MACROD2: variants seen among roughly 807,000 people sequenced by gnomAD.
MACROD2 encodes ADP-ribose glycohydrolase MACROD2.
Under a neutral mutation model 70.4 loss-of-function variants are expected in MACROD2, and 36 were observed. The observed-to-expected ratio is 0.51, with a 90% CI of 0.39 to 0.68. MACROD2 has a LOEUF of 0.68. Among genes scored for constraint, MACROD2 ranks in the 30% least tolerant of loss-of-function variants. MACROD2 has a pLI of 0.00. For missense variants in MACROD2, 496 were observed against 538.4 expected (o/e 0.92, Z 0.78); for synonymous variants, 172 against 178.8 (o/e 0.96, Z 0.30).
intron 8 of MACROD2, among the ~76,000 whole-genome samples, chr20:15,610,062 A>G (rs1186867307): frequency 1.3e-5 from 2 of 152,246 alleles, no homozygotes; most frequent in African/African-American, 4.8e-5. Context: ...GCTGAAGCAC[A>G]GTACAAATAC....
chr20:14,684,619 C>T (rs1194963276), intron 4 of MACROD2, among the ~76,000 whole-genome samples: 6 of 150,522 alleles, frequency 4.0e-5, no homozygotes, highest in African/African-American at 7.4e-5. Flanking sequence ...CTTCTATAAC[C>T]CTTCTACTTC....
At chr20:15,357,608 G>T (rs904418176) in intron 6 of MACROD2, among the ~76,000 whole-genome samples, 1 of 152,026 alleles carries the variant, frequency 6.6e-6, no homozygotes, top group African/African-American at 2.4e-5. Flanking sequence ...TGTTTATCCA[G>T]TACATATAAG....
At chr20:14,985,207 A>C (rs2074837824) in intron 5 of MACROD2, among the ~76,000 whole-genome samples, 1 of 152,278 alleles carries the variant, frequency 6.6e-6, no homozygotes, top group Admixed American at 6.5e-5. Flanking sequence ...ATGACACTTC[A>C]CTCAATTGCA....
chr20:15,595,205 C>T (rs1320562960), intron 8 of MACROD2, among the ~76,000 whole-genome samples: 3 of 152,202 alleles, frequency 2.0e-5, no homozygotes, highest in Non-Finnish European at 4.4e-5. Flanking sequence ...CACTGCACAA[C>T]AGTGTGACTG....
At chr20:15,838,597 C>T (rs1289512462) in intron 8 of MACROD2, among the ~76,000 whole-genome samples, 1 of 152,122 alleles carries the variant, frequency 6.6e-6, no homozygotes, top group Non-Finnish European at 1.5e-5. Context: ...GGCAATTGTG[C>T]TCTGTTGAGA....
In MACROD2 at chr20:15,776,835, C is replaced by T. The variant is rs138968281; in HGVS notation, c.646-85910C>T. Among the ~76,000 whole-genome samples, 614 of 152,230 alleles carry T rather than the reference C, an allele frequency of 4.0e-3. 4 individuals carry two copies. Among genetic ancestry groups the T allele is most frequent in the Middle Eastern group, 0.014 (4 of 294 alleles). ...ACTCAACAAGAGAGTGTATTGATGA[C>T]ACAAGTTGTCCTGGGTTAGGTAGTG... On this transcript the variant is annotated intron_variant, in intron 8 of 17. Coordinates refer to ENST00000684519, the MANE Select transcript of MACROD2 (RefSeq NM_001351661.2).
At position 14,848,856 on chromosome 20, in the gene MACROD2, G is replaced by T. The variant is rs536975401; in HGVS notation, c.418+163897G>T. 2.2e-4 allele frequency among the ~76,000 whole-genome samples: 33 copies of T among 152,080 alleles called. 1 individual carries two copies. The highest frequency in any genetic ancestry group is 3.9e-4 in the Admixed American group (6 of 15,270). ...TCTTGGGAGAGTTTGTGTACCTGAG[G>T]TTGTGCCGTCTAATTAGGGCAGCCT... On this transcript the variant is annotated intron_variant, in intron 5 of 17. Coordinates refer to ENST00000684519, the MANE Select transcript of MACROD2 (RefSeq NM_001351661.2).
intron 5 of MACROD2, among the ~76,000 whole-genome samples, chr20:14,824,438 G>A (rs2072880358): frequency 1.3e-5 from 2 of 152,098 alleles, no homozygotes; most frequent in Admixed American, 1.3e-4. Context: ...ACAAGATTCA[G>A]TGGGGATGGC....
intron 6 of MACROD2, among the ~76,000 whole-genome samples, chr20:15,269,552 C>A (rs747912232): frequency 6.6e-6 from 1 of 152,182 alleles, no homozygotes. Flanking sequence ...AGATGATAGT[C>A]AGCAGTGAAT....
chr20:15,382,932 T>C (rs1249509458), intron 6 of MACROD2, among the ~76,000 whole-genome samples: 5 of 152,200 alleles, frequency 3.3e-5, no homozygotes, highest in African/African-American at 1.2e-4. Flanking sequence ...TTCAGGTATA[T>C]ACTGCAAATA....
rs913274125 is a variant in MACROD2 at position 16,037,175 on chromosome 20, T to C, written c.1154-4026T>C. 3.3e-5 allele frequency among the ~76,000 whole-genome samples: 5 copies of C among 152,034 alleles called. No individual in the cohort carries two copies. In the South Asian group the frequency reaches 6.2e-4, roughly 19 times the overall value. On this transcript the variant is annotated intron_variant, in intron 15 of 17. Transcript: ENST00000684519. The stretch of plus-strand genomic sequence containing the variant: ...AGAAGGACAAGCATAGGGCTAGAAA[T>C]TTAAATGTTTACTGTTTTCTGATTT...
intron 8 of MACROD2, among the ~76,000 whole-genome samples, chr20:15,588,503 T>C (rs1261348543): frequency 6.6e-6 from 1 of 152,188 alleles, no homozygotes. Flanking sequence ...TTTTCTACCA[T>C]ATCATCAGGC....
At chr20:14,800,686 T>C (rs1415685182) in intron 5 of MACROD2, among the ~76,000 whole-genome samples, 3 of 152,284 alleles carry the variant, frequency 2.0e-5, no homozygotes, top group South Asian at 2.1e-4. Context: ...AAAATATCGC[T>C]GAGTACTTTA....
chr20:15,693,773 C>T (rs1460940400), intron 8 of MACROD2, among the ~76,000 whole-genome samples: 1 of 151,966 alleles, frequency 6.6e-6, no homozygotes, highest in Non-Finnish European at 1.5e-5. Flanking sequence ...ACATGAATAA[C>T]TTCTGTAGTG....
chr20:15,844,797 G>A (rs2064212343), intron 8 of MACROD2, among the ~76,000 whole-genome samples: 1 of 151,900 alleles, frequency 6.6e-6, no homozygotes, highest in South Asian at 2.1e-4. Context: ...GCACATAAAA[G>A]GATAAGGAAA....
chr20:15,768,558 A>C (rs1421752088), intron 8 of MACROD2, among the ~76,000 whole-genome samples: 1 of 152,220 alleles, frequency 6.6e-6, no homozygotes, highest in East Asian at 1.9e-4. Flanking sequence ...ATTACCGCAC[A>C]CTGCTGTAGA....
intron 10 of MACROD2, chr20:15,893,970 C>T (rs1407267969): frequency 2.2e-6 from 1 of 456,340 alleles, no homozygotes; most frequent in East Asian, 6.9e-5. Flanking sequence ...AGGAGTCCTG[C>T]ACTGGGCAGG....
intron 8 of MACROD2, among the ~76,000 whole-genome samples, chr20:15,587,307 T>G (rs2048616047): frequency 6.6e-6 from 1 of 152,176 alleles, no homozygotes; most frequent in African/African-American, 2.4e-5. Context: ...CAATTACCTC[T>G]GGCTGGGTCC....
At chr20:15,356,976 G>T (rs540362234) in intron 6 of MACROD2, among the ~76,000 whole-genome samples, 47 of 152,158 alleles carry the variant, frequency 3.1e-4, no homozygotes, top group African/African-American at 1.1e-3. Flanking sequence ...TTTGTATATA[G>T]GTCAGAAAAG....
Sources: allele counts gnomAD v4.1 joint callset (sites outside exome capture counted in the v4.1 genomes callset), GRCh38; gene constraint gnomAD v4.1.1; transcripts MANE v1.5; gene names NCBI Gene and HGNC (gene_info 2026-07-23, HGNC 2026-07-21).